FGF14: variants seen among roughly 807,000 people sequenced by gnomAD.
The protein encoded by FGF14 is fibroblast growth factor 14.
FGF14 carries 5 observed loss-of-function variants against 25.5 expected under a neutral mutation model. The observed-to-expected ratio is 0.20, with a 90% CI of 0.10 to 0.41. The LOEUF (loss-of-function observed/expected upper bound fraction) is 0.41, where lower values mean the gene tolerates loss of function less well. Among genes scored for constraint, FGF14 ranks in the 10% least tolerant of loss-of-function variants. The pLI is 1.00. For missense variants in FGF14, 222 were observed against 320.1 expected (o/e 0.69, Z 2.34); for synonymous variants, 138 against 118.3 (o/e 1.17, Z -1.08).
intron 1 of FGF14, among the ~76,000 whole-genome samples, chr13:102,072,433 AATC>A (rs1473704612): frequency 1.3e-5 from 2 of 152,224 alleles, no homozygotes; most frequent in African/African-American, 4.8e-5. Flanking sequence ...ATTCATAAGG[AATC>A]ATCAAGAACA....
chr13:101,759,281 G>C (rs2139892773), intron 3 of FGF14, among the ~76,000 whole-genome samples: 1 of 152,266 alleles, frequency 6.6e-6, no homozygotes, highest in African/African-American at 2.4e-5. Context: ...TCTGAATCTT[G>C]AGGGGGTGAG....
chr13:102,363,745 G>A (rs1481051838), intron 1 of FGF14, among the ~76,000 whole-genome samples: 1 of 152,132 alleles, frequency 6.6e-6, no homozygotes, highest in African/African-American at 2.4e-5. Context: ...CTCTTTATTT[G>A]TCCTGTTGCC....
intron 1 of FGF14, among the ~76,000 whole-genome samples, chr13:101,987,113 C>T (rs1278115307): frequency 2.0e-5 from 3 of 152,028 alleles, no homozygotes; most frequent in Admixed American, 2.0e-4. Flanking sequence ...GCCCTTATTC[C>T]ACTCTTTCCA....
intron 1 of FGF14, among the ~76,000 whole-genome samples, chr13:102,311,912 A>G (rs1198173146): frequency 1.3e-5 from 2 of 152,218 alleles, no homozygotes; most frequent in East Asian, 3.8e-4. Context: ...GGAAATGAGT[A>G]TCTCAATGTT....
intron 1 of FGF14, among the ~76,000 whole-genome samples, chr13:102,214,733 T>G (rs1015036801): frequency 2.0e-5 from 3 of 152,206 alleles, no homozygotes; most frequent in Admixed American, 6.5e-5. Context: ...GCTGGAGACA[T>G]TTTTCATTGT....
chr13:101,967,690 AAG>A (rs1333555539), intron 1 of FGF14: 2 of 154,278 alleles, frequency 1.3e-5, no homozygotes, highest in African/African-American at 4.8e-5. Flanking sequence ...CATGATACTG[AAG>A]AGTCTTTGGG....
chr13:101,928,391 C>A (rs1382286640), intron 1 of FGF14, among the ~76,000 whole-genome samples: 2 of 147,646 alleles, frequency 1.4e-5, no homozygotes, highest in African/African-American at 5.2e-5. Flanking sequence ...TCTAAACTTG[C>A]TGTGGTGTGT....
At chr13:102,371,590 T>C (rs914075903) in intron 1 of FGF14, among the ~76,000 whole-genome samples, 29 of 152,258 alleles carry the variant, frequency 1.9e-4, no homozygotes, top group Middle Eastern at 3.4e-3. Flanking sequence ...ATTGTATCTG[T>C]TTCCAGAGCT....
At chr13:102,326,678 GGGAA>G (rs1205438567) in intron 1 of FGF14, among the ~76,000 whole-genome samples, 1,374 of 70,644 alleles carry the variant, frequency 0.019, 59 homozygotes, top group African/African-American at 0.079. Flanking sequence ...GGGAAGGGAA[GGGAA>G]GGGAAGGGAA....
intron 1 of FGF14, among the ~76,000 whole-genome samples, chr13:102,161,647 A>AGGAGGAGG (rs1566765136): frequency 1.5e-4 from 3 of 19,800 alleles, no homozygotes; most frequent in Non-Finnish European, 3.1e-4. Flanking sequence ...GAAGAAGAAG[A>AGGAGGAGG]AGAAGAAGAA....
At chr13:101,884,796 T>C (rs1352566219) in intron 1 of FGF14, among the ~76,000 whole-genome samples, 1 of 151,950 alleles carries the variant, frequency 6.6e-6, no homozygotes, top group Non-Finnish European at 1.5e-5. Context: ...TGTATTATCA[T>C]TTAAAAAGCA....
chr13:102,022,339 A>G (rs978141430), intron 1 of FGF14, among the ~76,000 whole-genome samples: 1 of 152,136 alleles, frequency 6.6e-6, no homozygotes, highest in African/African-American at 2.4e-5. Context: ...GGGCAATTGG[A>G]AGATTTCCTA....
intron 1 of FGF14, among the ~76,000 whole-genome samples, chr13:101,997,388 C>T (rs1173742635): frequency 2.0e-5 from 3 of 152,112 alleles, no homozygotes; most frequent in African/African-American, 7.2e-5. Context: ...ATGTATAACT[C>T]TCAATCACAA....
intron 1 of FGF14, among the ~76,000 whole-genome samples, chr13:102,258,712 T>C (rs1478715843): frequency 2.6e-5 from 4 of 152,164 alleles, no homozygotes; most frequent in Non-Finnish European, 4.4e-5. Context: ...CTGTGGGTAA[T>C]GTCAGAGGGG....
intron 3 of FGF14, among the ~76,000 whole-genome samples, chr13:101,810,715 C>G (rs1248730062): frequency 6.6e-6 from 1 of 152,174 alleles, no homozygotes; most frequent in Non-Finnish European, 1.5e-5. Context: ...GGAGCTCTTT[C>G]TTTAGGCTGA....
chr13:101,827,619 G>C (rs1411265991), intron 3 of FGF14, among the ~76,000 whole-genome samples: 3 of 151,458 alleles, frequency 2.0e-5, no homozygotes, highest in Non-Finnish European at 4.4e-5. Context: ...TTATTTTTGT[G>C]GTTTATTATA....
rs562816485 is a variant in FGF14, at chr13:101,713,692, A to G, written c.*9139T>C. On this transcript the variant is annotated 3_prime_UTR_variant, in exon 5 of 5. Coordinates refer to ENST00000376143, the MANE Select transcript of FGF14 (RefSeq NM_004115.4). The stretch of plus-strand genomic sequence containing the variant: ...ATTTATTTTCTTTTATTTTAAATAT[A>G]TCATTAATAAAATTTTTACTCAGTA... 1.1e-3 allele frequency: 170 copies of G among 152,296 alleles called. No homozygotes were observed. The highest frequency in any genetic ancestry group is 3.9e-3 in the African/African-American group (162 of 41,580). The allele number at this position is 152,296 out of a possible 1,614,324, so 9.4% of individuals were successfully genotyped here. A position where few individuals can be genotyped will look rare whatever the true frequency, so the allele number is the denominator to read the frequency against.
upstream of FGF14, chr13:102,402,103 AC>A (rs2058713642): frequency 5.3e-6 from 1 of 188,688 alleles, no homozygotes; most frequent in South Asian, 1.0e-4. Flanking sequence ...AGAAAAAAAA[AC>A]ACCACCACAC....
intron 1 of FGF14, among the ~76,000 whole-genome samples, chr13:102,279,818 C>A (rs1211731360): frequency 2.0e-5 from 3 of 152,182 alleles, no homozygotes; most frequent in Non-Finnish European, 4.4e-5. Context: ...CCTTTGGGAA[C>A]TCTATTTGAA....
Sources: allele counts gnomAD v4.1 joint callset (sites outside exome capture counted in the v4.1 genomes callset), GRCh38; gene constraint gnomAD v4.1.1; transcripts MANE v1.5; gene names NCBI Gene and HGNC (gene_info 2026-07-23, HGNC 2026-07-21).